Variants in UBTD2 observed in about 807,000 individuals in gnomAD.
UBTD2 encodes the protein ubiquitin domain-containing protein 2.
In UBTD2, 9 loss-of-function variants were observed where a neutral mutation model predicts 19.8. The ratio of observed to expected loss-of-function variants is 0.46; its 90% confidence interval spans 0.27 to 0.79. The LOEUF (loss-of-function observed/expected upper bound fraction) is 0.79, where lower values mean the gene tolerates loss of function less well. Ranked by LOEUF, UBTD2 falls within the 30% of genes least tolerant of loss-of-function variation. UBTD2 has a pLI of 0.14. For synonymous variants in UBTD2, 98 were observed against 103.9 expected, an observed-to-expected ratio of 0.94 and a Z score of 0.35; for missense variants, 250 against 300.4, an observed-to-expected ratio of 0.83 and a Z score of 1.24.
chr5:172,251,192 G>A (rs1257692401), intron 1 of UBTD2, among the ~76,000 whole-genome samples: 2 of 150,608 alleles, frequency 1.3e-5, no homozygotes, highest in African/African-American at 4.9e-5. Flanking sequence ...GGTTGCAGGT[G>A]CCTGTAGTCC....
chr5:172,214,299 G>A (rs1235219081), intron 2 of UBTD2, among the ~76,000 whole-genome samples: 2 of 152,192 alleles, frequency 1.3e-5, no homozygotes, highest in Non-Finnish European at 2.9e-5. Context: ...CCTGAAATGA[G>A]TCTGGAATGG....
At chr5:172,224,800 C>G (rs1366259619) in intron 2 of UBTD2, among the ~76,000 whole-genome samples, 1 of 152,158 alleles carries the variant, frequency 6.6e-6, no homozygotes, top group Admixed American at 6.5e-5. Flanking sequence ...TTCTTTACAG[C>G]AGTGTGAAAA....
intron 1 of UBTD2, among the ~76,000 whole-genome samples, chr5:172,260,072 G>A (rs1350943705): frequency 3.3e-4 from 19 of 56,992 alleles, no homozygotes; most frequent in Admixed American, 3.1e-3. Flanking sequence ...CCTCCCCGCC[G>A]CACCCCCACC....
intron 2 of UBTD2, among the ~76,000 whole-genome samples, chr5:172,216,783 T>C (rs1031405119): frequency 6.6e-6 from 1 of 151,834 alleles, no homozygotes. Context: ...CTGAGCAACA[T>C]AGTGAAACCC....
chr5:172,214,088 A>T (rs1771499848), intron 2 of UBTD2, among the ~76,000 whole-genome samples: 2 of 152,254 alleles, frequency 1.3e-5, no homozygotes, highest in South Asian at 4.1e-4. Context: ...CCTGGCCAAA[A>T]GCATAACTTA....
chr5:172,213,768 T>C (rs186871432), intron 2 of UBTD2, among the ~76,000 whole-genome samples: 11 of 152,250 alleles, frequency 7.2e-5, no homozygotes, highest in South Asian at 2.1e-4. Flanking sequence ...TCGGGGGAAC[T>C]TGAAAGCATA....
intron 1 of UBTD2, among the ~76,000 whole-genome samples, chr5:172,246,057 C>T (rs1473082474): frequency 6.6e-6 from 1 of 152,154 alleles, no homozygotes; most frequent in Non-Finnish European, 1.5e-5. Context: ...AATGGAAAAT[C>T]TGAGATGATC....
At chr5:172,216,632 A>G (rs949637622) in intron 2 of UBTD2, among the ~76,000 whole-genome samples, 2 of 136,666 alleles carry the variant, frequency 1.5e-5, no homozygotes, top group African/African-American at 2.7e-5. Context: ...CAGAGGGGGG[A>G]AAAAACAGCT....
At chr5:172,266,855 A>G (rs916277984) in intron 1 of UBTD2, among the ~76,000 whole-genome samples, 1 of 152,100 alleles carries the variant, frequency 6.6e-6, no homozygotes, top group African/African-American at 2.4e-5. Context: ...CTGGGCAACA[A>G]AACAAGACAC....
intron 2 of UBTD2, among the ~76,000 whole-genome samples, chr5:172,225,294 TAGATGATTGGCTC>T: frequency 6.6e-6 from 1 of 152,244 alleles, no homozygotes; most frequent in East Asian, 1.9e-4. Context: ...ATCTTTTATC[TAGATGATTGGCTC>T]AGATGTTTCT....
At chr5:172,282,782 C>T (rs1378819310) in intron 1 of UBTD2, among the ~76,000 whole-genome samples, 2 of 152,172 alleles carry the variant, frequency 1.3e-5, no homozygotes, top group African/African-American at 4.8e-5. Context: ...AATACCTATC[C>T]TCAGCACGCT....
At chr5:172,237,785 A>G (rs1772041954) in intron 1 of UBTD2, among the ~76,000 whole-genome samples, 1 of 152,252 alleles carries the variant, frequency 6.6e-6, no homozygotes, top group Non-Finnish European at 1.5e-5. Flanking sequence ...AATGCATGAT[A>G]TACAATAAAA....
intron 1 of UBTD2, among the ~76,000 whole-genome samples, chr5:172,273,540 G>C (rs1023732600): frequency 1.4e-5 from 2 of 138,732 alleles, no homozygotes; most frequent in Admixed American, 1.5e-4. Flanking sequence ...GCAGTGAGCC[G>C]AGATTGTACC....
intron 1 of UBTD2, among the ~76,000 whole-genome samples, chr5:172,258,880 A>T (rs1252962698): frequency 6.6e-6 from 1 of 152,202 alleles, no homozygotes; most frequent in Non-Finnish European, 1.5e-5. Flanking sequence ...GTACAGAATC[A>T]TATAATCTGC....
rs192337827 is a variant in UBTD2 at position 172,243,272 on chromosome 5, C to T, written c.71-8914G>A. ...TGATATCACTTACCAATAGCTTATA[C>T]AATTGAAGTTCCACAGCATGGCTAT... On this transcript the variant is annotated intron_variant, in intron 1 of 2. Transcript: ENST00000393792. Among the ~76,000 whole-genome samples, 180 of 152,120 alleles carry T rather than the reference C, an allele frequency of 1.2e-3. 1 individual carries two copies. The highest frequency in any genetic ancestry group is 9.3e-3 in the South Asian group (45 of 4,828).
intron 1 of UBTD2, among the ~76,000 whole-genome samples, chr5:172,269,872 T>TA (rs1755450237): frequency 6.6e-6 from 1 of 151,368 alleles, no homozygotes; most frequent in Admixed American, 6.6e-5. Flanking sequence ...GGTCAGGAGT[T>TA]CGAGACCGGC....
rs1444178725 is a variant in UBTD2 at position 172,211,233 on chromosome 5, A to C, written c.*597T>G. The C allele has an allele frequency of 2.0e-5, 3 of 152,346 alleles. No homozygotes were observed. Among genetic ancestry groups the C allele is most frequent in the African/African-American group, 7.2e-5 (3 of 41,434 alleles). The allele number at this position is 152,346 out of a possible 1,614,324, so 9.4% of individuals were successfully genotyped here. A position where few individuals can be genotyped will look rare whatever the true frequency, so the allele number is the denominator to read the frequency against. ...AAGATGTGGGGATGAGGAAAGCAAC[A>C]CTAAAGCACAATTTGCCAGTCTCTA... On this transcript the variant is annotated 3_prime_UTR_variant, in exon 3 of 3. Coordinates refer to ENST00000393792, the MANE Select transcript of UBTD2 (RefSeq NM_152277.3).
At chr5:172,240,170 C>A (rs79356694) in intron 1 of UBTD2, among the ~76,000 whole-genome samples, 1 of 152,258 alleles carries the variant, frequency 6.6e-6, no homozygotes, top group East Asian at 1.9e-4. Flanking sequence ...TCTAATCTAC[C>A]ACTTAATCTA....
chr5:172,254,992 C>T (rs1010799921), intron 1 of UBTD2: 1 of 562,264 alleles, frequency 1.8e-6, no homozygotes, highest in Admixed American at 2.0e-5. Context: ...GCTGCACCAC[C>T]ACCGGCTGGA....
Sources: allele counts gnomAD v4.1 joint callset (sites outside exome capture counted in the v4.1 genomes callset), GRCh38; gene constraint gnomAD v4.1.1; transcripts MANE v1.5; gene names NCBI Gene and HGNC (gene_info 2026-07-23, HGNC 2026-07-21).